The following COG7 variants were observed in gnomAD, a reference collection of about 807,000 sequenced individuals.
COG7 encodes the protein component of oligomeric golgi complex 7.
COG7 carries 49 observed loss-of-function variants against 91.5 expected under a neutral mutation model. The ratio of observed to expected loss-of-function variants is 0.54; its 90% CI spans 0.43 to 0.68. The LOEUF (loss-of-function observed/expected upper bound fraction) is 0.68, where lower values mean the gene tolerates loss of function less well. Among genes scored for constraint, COG7 ranks in the 30% least tolerant of loss-of-function variants. COG7 has a pLI of 0.00. For synonymous variants in COG7, 365 were observed against 388.7 expected, an observed-to-expected ratio of 0.94 and a Z score of 0.72; for missense variants, 895 against 961.3, an observed-to-expected ratio of 0.93 and a Z score of 0.91.
rs147569737 is a variant in COG7 at position 23,416,406 on chromosome 16, C to T, written c.1292+561G>A. On this transcript the variant is annotated intron_variant, in intron 9 of 16. Transcript: ENST00000307149. ...TGATGTGTTCCTATAGAAATGCCTA[C>T]GTGGAACTGCCCTGGGAGGTGCTGG... The T allele has an allele frequency of 5.0e-3, 829 of 165,854 alleles. 2 individuals are homozygous for T. Among genetic ancestry groups the T allele is most frequent in the African/African-American group, 0.018 (733 of 41,664 alleles). The allele number at this position is 165,854 out of a possible 1,614,324, so 10.3% of individuals were successfully genotyped here. A position where few individuals can be genotyped will look rare whatever the true frequency, so the allele number is the denominator to read the frequency against.
rs567307217 is a variant in COG7, at chr16:23,409,088, T to TGTGTGTGTGTGTGTGTGTGTGTGCGC, written c.1475+1206_1475+1207insGCGCACACACACACACACACACACAC. Among the ~76,000 whole-genome samples, 5 of 147,912 alleles carry TGTGTGTGTGTGTGTGTGTGTGTGCGC rather than the reference T, an allele frequency of 3.4e-5. No homozygotes were observed. The South Asian group carries it at 6.5e-4, about 19-fold the overall frequency. ...GCGTGTGTGTGTGTGTGTGTGTGTG[T>TGTGTGTGTGTGTGTGTGTGTGTGCGC]GCGTGCATGTGTGTGTGTGTGTGTG... is the stretch of plus-strand genomic sequence containing the variant. On this transcript the variant is annotated intron_variant, in intron 11 of 16. Coordinates refer to ENST00000307149, the MANE Select transcript of COG7 (RefSeq NM_153603.4).
At chr16:23,433,152 C>A (rs1292721367) in intron 6 of COG7, among the ~76,000 whole-genome samples, 1 of 152,150 alleles carries the variant, frequency 6.6e-6, no homozygotes. Context: ...GTTGTCCAAG[C>A]TGAAGTGTAG....
At chr16:23,452,489 T>C (rs1448684126) in intron 1 of COG7, among the ~76,000 whole-genome samples, 5 of 151,754 alleles carry the variant, frequency 3.3e-5, no homozygotes, top group Non-Finnish European at 5.9e-5. Flanking sequence ...ATCGCTTGAG[T>C]GCAGGAGTTC....
intron 13 of COG7, among the ~76,000 whole-genome samples, chr16:23,402,996 A>T (rs562444542): frequency 6.6e-6 from 1 of 152,362 alleles, no homozygotes; most frequent in South Asian, 2.1e-4. Context: ...AAGGCCCATA[A>T]CTGGAATCCA....
At chr16:23,409,101 G>GCA (rs1555493337) in intron 11 of COG7, among the ~76,000 whole-genome samples, 2 of 151,480 alleles carry the variant, frequency 1.3e-5, no homozygotes, top group African/African-American at 4.9e-5. Flanking sequence ...GTGCATGTGT[G>GCA]TGTGTGTGTG....
intron 12 of COG7, among the ~76,000 whole-genome samples, chr16:23,404,272 T>G (rs1027129756): frequency 6.6e-6 from 1 of 152,234 alleles, no homozygotes; most frequent in African/African-American, 2.4e-5. Context: ...CAAATATACT[T>G]GGCTGAAAGC....
At chr16:23,439,000 A>G (rs1964055863) in intron 4 of COG7, among the ~76,000 whole-genome samples, 2 of 151,754 alleles carry the variant, frequency 1.3e-5, no homozygotes, top group African/African-American at 2.4e-5. Context: ...TCTACTAAAC[A>G]TACAAAAATT....
rs1007857027 is a variant in COG7, at chr16:23,410,195, C to T, written c.1475+100G>A. On this transcript the variant is annotated intron_variant, in intron 11 of 16. Coordinates refer to ENST00000307149, the MANE Select transcript of COG7 (RefSeq NM_153603.4). ...GACAGTCCTCCAGCCCTGTGGCCTT[C>T]ACATCTGGCATATGCTGTCCTTGCT... The T allele has an allele frequency of 5.5e-6, 5 of 908,622 alleles. No homozygotes were observed. The African/African-American group carries it at 8.2e-5, about 15-fold the overall frequency. 56.3% of individuals were successfully genotyped at this position (908,622 alleles called of 1,614,324 possible). A position where few individuals can be genotyped will look rare whatever the true frequency, so the allele number is the denominator to read the frequency against.
At chr16:23,417,304 T>A (rs554806761) in intron 8 of COG7, 183 bp from the exon 9 acceptor site, 15 of 652,842 alleles carry the variant, frequency 2.3e-5, no homozygotes, top group East Asian at 2.2e-4. Flanking sequence ...AAGTCATCAG[T>A]GGGATCATGG....
At chr16:23,397,951 C>T in intron 14 of COG7, 95 bp downstream of exon 14, 1 of 1,067,826 alleles carries the variant, frequency 9.4e-7, no homozygotes, top group Non-Finnish European at 1.4e-6. Context: ...GGTCAGATAG[C>T]ACCCATGGGG....
At chr16:23,411,836 A>C (rs1291935373) in intron 10 of COG7, among the ~76,000 whole-genome samples, 2 of 152,138 alleles carry the variant, frequency 1.3e-5, no homozygotes, top group Admixed American at 6.5e-5. Flanking sequence ...TCTTGGGAAA[A>C]TATATCCAGG....
intron 3 of COG7, among the ~76,000 whole-genome samples, chr16:23,444,715 A>T (rs1235950652): frequency 1.3e-5 from 2 of 151,976 alleles, no homozygotes; most frequent in African/African-American, 4.8e-5. Context: ...TATTTTGCCC[A>T]GGCTGGTCTC....
intron 11 of COG7, among the ~76,000 whole-genome samples, chr16:23,406,977 C>T (rs897193851): frequency 1.3e-5 from 2 of 152,188 alleles, no homozygotes; most frequent in Non-Finnish European, 2.9e-5. Flanking sequence ...ACCCATCCTA[C>T]CCATCTAAAT....
chr16:23,418,690 G>T lies in COG7; in HGVS notation c.1137+10C>A. On this transcript the variant is annotated intron_variant, in intron 8 of 16. Coordinates refer to ENST00000307149, the MANE Select transcript of COG7 (RefSeq NM_153603.4). ...GCTTCCTCAGTGGCCCCAGGACACTGCGACTTTACCAGAGGCACAGCACTC... is the reference window on the plus strand; with the variant it reads ...GCTTCCTCAGTGGCCCCAGGACACTTCGACTTTACCAGAGGCACAGCACTC... The T allele has an allele frequency of 6.2e-7, 1 of 1,613,018 alleles. No individual in the cohort carries two copies. The highest frequency in any genetic ancestry group is 1.7e-5 in the Admixed American group (1 of 59,988).
At chr16:23,410,218 G>T in intron 11 of COG7, 77 bp downstream of exon 11, 4 of 1,166,434 alleles carry the variant, frequency 3.4e-6, no homozygotes, top group Non-Finnish European at 5.1e-6. Flanking sequence ...TGCTGTCCTT[G>T]CTGTACTGTG....
chr16:23,399,612 T>G (rs1435565353), intron 13 of COG7, among the ~76,000 whole-genome samples: 1 of 149,840 alleles, frequency 6.7e-6, no homozygotes, highest in Admixed American at 6.7e-5. Context: ...GAGTGCTGCC[T>G]CCCACTTCTA....
At position 23,406,246 on chromosome 16, in the gene COG7, C is replaced by T. The variant is rs755090097; in HGVS notation, c.1492G>A (p.Gly498Arg). The part of the protein sequence containing the change: ...QLANRILSTA[G>R]KYLSDSCSPR... ...CTGCAGGAATCAGATAGATACTTCC[C>T]AGCTGTGGACAAAATCCTGTAATGA... Residue 498 changes from glycine to arginine, a missense_variant, in exon 12 of 17, where the codon GGG becomes AGG. Transcript: ENST00000307149. 2.5e-6 allele frequency: 4 copies of T among 1,614,062 alleles called. No individual in the cohort carries two copies. In the Admixed American group the frequency reaches 6.7e-5, roughly 27 times the overall value.
intron 4 of COG7, among the ~76,000 whole-genome samples, chr16:23,439,439 T>C (rs537739247): frequency 3.3e-5 from 5 of 151,778 alleles, no homozygotes; most frequent in South Asian, 4.2e-4. Flanking sequence ...TTCTTCACAA[T>C]AGCCAAAAGG....
chr16:23,450,554 G>A (rs548429753), intron 1 of COG7, among the ~76,000 whole-genome samples: 3 of 152,264 alleles, frequency 2.0e-5, no homozygotes, highest in East Asian at 3.9e-4. Context: ...AGGGCTGGGC[G>A]CGGTGGCTCA....
Sources: allele counts gnomAD v4.1 joint callset (sites outside exome capture counted in the v4.1 genomes callset), GRCh38; gene constraint gnomAD v4.1.1; transcripts MANE v1.5; gene names NCBI Gene and HGNC (gene_info 2026-07-23, HGNC 2026-07-21).